POGZ: variants seen among roughly 807,000 people sequenced by gnomAD.
POGZ encodes the protein pogo transposable element with ZNF domain.
Under a neutral mutation model 134.6 loss-of-function variants are expected in POGZ, and 17 were observed. That is an observed-to-expected ratio of 0.13 (90% CI 0.09 to 0.19). POGZ has a LOEUF of 0.19. Ranked by LOEUF, POGZ falls within the 10% of genes least tolerant of loss-of-function variation. The probability of loss-of-function intolerance (pLI) is 1.00; values close to 1 mark genes in which losing one functional copy is unlikely to be tolerated. For missense variants in POGZ, 1,306 were observed against 1,769.7 expected, an observed-to-expected ratio of 0.74 and a Z score of 4.70; for synonymous variants, 693 against 657.1, an observed-to-expected ratio of 1.05 and a Z score of -0.84.
At chr1:151,426,468 G>C (rs1188995458) in intron 7 of POGZ, 2 of 152,080 alleles carry the variant, frequency 1.3e-5, no homozygotes, top group Non-Finnish European at 2.9e-5. Flanking sequence ...TTACAGGCAT[G>C]AACCACCACG....
intron 3 of POGZ, among the ~76,000 whole-genome samples, chr1:151,433,436 C>T (rs775561632): frequency 5.9e-5 from 9 of 151,510 alleles, no homozygotes; most frequent in Middle Eastern, 3.2e-3. Flanking sequence ...GGAGAAATCC[C>T]GTCTCTACTA....
In POGZ at chr1:151,428,130, G is replaced by A; in HGVS notation, c.852C>T (p.Pro284=). Residue 284 remains proline (P), a synonymous_variant, in exon 6 of 19, where the codon CCC becomes CCT. Transcript: ENST00000271715. ...SPGQSNQTTN[P]KLAPSFPSPP... ...CCTCTTCCGAAGCCTTACCTAGCTT[G>A]GGATTCGTGGTCTGGTTTGACTGGC... 3 of 1,614,054 alleles carry A rather than the reference G, an allele frequency of 1.9e-6. No individual in the cohort carries two copies. Among genetic ancestry groups the A allele is most frequent in the Non-Finnish European group, 2.5e-6 (3 of 1,179,914 alleles).
intron 3 of POGZ, among the ~76,000 whole-genome samples, chr1:151,431,581 GCCCTC>G (rs1658705420): frequency 6.6e-6 from 1 of 152,086 alleles, no homozygotes; most frequent in Non-Finnish European, 1.5e-5. Flanking sequence ...ACCTACCGTA[GCCCTC>G]TCTTTATGTC....
intron 15 of POGZ, among the ~76,000 whole-genome samples, chr1:151,407,731 G>A (rs910574036): frequency 1.3e-5 from 2 of 152,124 alleles, no homozygotes; most frequent in Admixed American, 6.5e-5. Flanking sequence ...GGCTGGGGCC[G>A]GGCGCAGTGG....
At chr1:151,437,518 G>A (rs934471293) in intron 3 of POGZ, among the ~76,000 whole-genome samples, 5 of 152,142 alleles carry the variant, frequency 3.3e-5, no homozygotes, top group South Asian at 2.1e-4. Flanking sequence ...TTGAGAAGCC[G>A]TGGTGGGTGG....
At chr1:151,414,135 T>C (rs1655206264) in intron 10 of POGZ, among the ~76,000 whole-genome samples, 1 of 152,228 alleles carries the variant, frequency 6.6e-6, no homozygotes, top group East Asian at 1.9e-4. Flanking sequence ...AAAAGCTGAA[T>C]TGTCAAAGAA....
intron 12 of POGZ, among the ~76,000 whole-genome samples, 197 bp from the exon 13 acceptor site, chr1:151,409,025 A>G (rs1011047994): frequency 2.0e-5 from 3 of 152,194 alleles, no homozygotes; most frequent in African/African-American, 7.2e-5. Context: ...CCATGATATC[A>G]AAGAAAGATG....
chr1:151,437,280 TA>T (rs1477375125), intron 3 of POGZ, among the ~76,000 whole-genome samples: 2 of 152,124 alleles, frequency 1.3e-5, no homozygotes, highest in Admixed American at 1.3e-4. Flanking sequence ...TGTTTTTTTT[TA>T]ATCACATCTT....
In POGZ at chr1:151,403,621, A is replaced by T; in HGVS notation, c.*1181T>A. On this transcript the variant is annotated 3_prime_UTR_variant, in exon 19 of 19. Transcript: ENST00000271715. ...CTTTCCTTGAAGCTGGCAGTGAAAA[A>T]TAAAGATTCATGTCATTTTCTTTGT... 1.0e-6 allele frequency: 1 copy of T among 985,698 alleles called. No homozygotes were observed. The highest frequency in any genetic ancestry group is 1.2e-6 in the Non-Finnish European group (1 of 829,732). 61.1% of individuals were successfully genotyped at this position (985,698 alleles called of 1,614,324 possible). A position where few individuals can be genotyped will look rare whatever the true frequency, so the allele number is the denominator to read the frequency against.
rs1653141991 is a variant in POGZ, at chr1:151,403,978, G to C, written c.*824C>G. 1.0e-6 allele frequency: 1 copy of C among 985,252 alleles called. No individual in the cohort carries two copies. Among genetic ancestry groups the C allele is most frequent in the Non-Finnish European group, 1.2e-6 (1 of 829,872 alleles). 61.0% of individuals were successfully genotyped at this position (985,252 alleles called of 1,614,324 possible). A position where few individuals can be genotyped will look rare whatever the true frequency, so the allele number is the denominator to read the frequency against. ...ACCTGTATGATCCTTTGTCCAGAGG[G>C]ATGGATGGTGTTGAGAATGGGGAAA... On this transcript the variant is annotated 3_prime_UTR_variant, in exon 19 of 19. Coordinates refer to ENST00000271715, the MANE Select transcript of POGZ (RefSeq NM_015100.4).
At position 151,429,927 on chromosome 1, in the gene POGZ, C is replaced by T. The variant is rs146324068; in HGVS notation, c.460-216G>A. On this transcript the variant is annotated intron_variant, in intron 4 of 18. Transcript: ENST00000271715. ...CAAAATTAGAGAACAAGCTTTGGTA[C>T]ACATGAGCAAAAATGAAAACCTATT... is the stretch of plus-strand genomic sequence containing the variant. 5.1e-3 allele frequency among the ~76,000 whole-genome samples: 778 copies of T among 151,348 alleles called. 15 individuals are homozygous for T. Among genetic ancestry groups the T allele is most frequent in the African/African-American group, 0.018 (749 of 41,190 alleles).
At chr1:151,449,870 G>A (rs549737335) in intron 1 of POGZ, among the ~76,000 whole-genome samples, 3 of 152,208 alleles carry the variant, frequency 2.0e-5, no homozygotes, top group Non-Finnish European at 4.4e-5. Context: ...CTGGGAGACA[G>A]TGCGAGACTC....
intron 1 of POGZ, among the ~76,000 whole-genome samples, chr1:151,448,518 A>G (rs150488220): frequency 3.0e-4 from 45 of 152,296 alleles, no homozygotes; most frequent in African/African-American, 1.0e-3. Flanking sequence ...TCAAAGGTTA[A>G]CAAAGAGGAC....
Position 151,403,217 on chromosome 1 carries a change from C to A in POGZ, c.*1585G>T. Reference sequence around the variant, plus strand: ...GCTGGGGGATGAAAAAACAAACAAACAAAAAAGCAGGGTGGGGTGGGAGAA... The same window carrying A: ...GCTGGGGGATGAAAAAACAAACAAAAAAAAAAGCAGGGTGGGGTGGGAGAA... On this transcript the variant is annotated 3_prime_UTR_variant, in exon 19 of 19. Transcript: ENST00000271715. 1.0e-6 allele frequency: 1 copy of A among 985,506 alleles called. No homozygotes were observed. Among genetic ancestry groups the A allele is most frequent in the Non-Finnish European group, 1.2e-6 (1 of 829,808 alleles). The allele number at this position is 985,506 out of a possible 1,614,324, so 61.0% of individuals were successfully genotyped here.
At chr1:151,413,862 A>AAAAC (rs1334187063) in intron 10 of POGZ, among the ~76,000 whole-genome samples, 2 of 152,208 alleles carry the variant, frequency 1.3e-5, no homozygotes, top group Non-Finnish European at 2.9e-5. Flanking sequence ...TTTTTAAAGT[A>AAAAC]AAACAAACAA....
chr1:151,442,392 C>G, intron 1 of POGZ, 187 bp from the exon 2 acceptor site: 1 of 432,818 alleles, frequency 2.3e-6, no homozygotes, highest in East Asian at 3.7e-5. Context: ...TATTAGAATC[C>G]ATTCCACAGC....
rs568867321 is a variant in POGZ, at chr1:151,416,630, T to G, written c.1679-4234A>C. On this transcript the variant is annotated intron_variant, in intron 10 of 18. Coordinates refer to ENST00000271715, the MANE Select transcript of POGZ (RefSeq NM_015100.4). ...AATGTAATACTACTTTTTGGGTTTT[T>G]TTTTTTTTTTTGAGATAGGGCCTTA... 7.9e-5 allele frequency among the ~76,000 whole-genome samples: 12 copies of G among 151,134 alleles called. No individual in the cohort carries two copies. In the South Asian group the frequency reaches 1.9e-3, roughly 24 times the overall value.
intron 1 of POGZ, among the ~76,000 whole-genome samples, chr1:151,443,722 AT>A (rs1279853198): frequency 1.3e-5 from 2 of 152,212 alleles, no homozygotes; most frequent in Non-Finnish European, 2.9e-5. Context: ...CTCAAAAAAA[AT>A]AAAAATAAAT....
intron 3 of POGZ, 73 bp downstream of exon 3, chr1:151,440,855 G>A (rs1660416374): frequency 1.6e-6 from 2 of 1,271,146 alleles, no homozygotes; most frequent in Non-Finnish European, 2.3e-6. Context: ...AACAGGTAGG[G>A]CTGTCCCTGA....
Sources: allele counts gnomAD v4.1 joint callset (sites outside exome capture counted in the v4.1 genomes callset), GRCh38; gene constraint gnomAD v4.1.1; transcripts MANE v1.5; gene names NCBI Gene and HGNC (gene_info 2026-07-23, HGNC 2026-07-21).